PLCB1: variants seen among roughly 807,000 people sequenced by gnomAD.
PLCB1 encodes phospholipase C beta 1.
In PLCB1, 46 loss-of-function variants were observed where a neutral mutation model predicts 161.8. That is an observed-to-expected ratio of 0.28 (90% CI 0.22 to 0.36). The LOEUF is 0.36. PLCB1 is among the 10% of genes least tolerant of loss of function. The pLI is 1.00. For missense variants in PLCB1, 1,016 were observed against 1,472.5 expected (o/e 0.69, Z 5.07); for synonymous variants, 517 against 503.7 (o/e 1.03, Z -0.35).
intron 2 of PLCB1, among the ~76,000 whole-genome samples, chr20:8,195,333 T>TG (rs903234974): frequency 1.3e-5 from 2 of 152,110 alleles, no homozygotes; most frequent in African/African-American, 4.8e-5. Flanking sequence ...TATTTGGATT[T>TG]GGGGCCACTG....
At chr20:8,280,449 A>G (rs548969984) in intron 2 of PLCB1, among the ~76,000 whole-genome samples, 17 of 152,026 alleles carry the variant, frequency 1.1e-4, no homozygotes, top group Non-Finnish European at 1.9e-4. Context: ...ACTATTTTCT[A>G]TTTGGGTTTT....
At chr20:8,462,530 C>A (rs898724716) in intron 3 of PLCB1, among the ~76,000 whole-genome samples, 17 of 152,142 alleles carry the variant, frequency 1.1e-4, no homozygotes, top group African/African-American at 4.1e-4. Context: ...GCATCATAGA[C>A]CTTATTCAAT....
At chr20:8,488,751 A>G (rs916048427) in intron 3 of PLCB1, among the ~76,000 whole-genome samples, 2 of 152,170 alleles carry the variant, frequency 1.3e-5, no homozygotes, top group African/African-American at 4.8e-5. Flanking sequence ...TCATCATAAC[A>G]TCATATCAAA....
intron 10 of PLCB1, 138 bp from the exon 11 acceptor site, chr20:8,697,488 G>A (rs187613452): frequency 5.0e-6 from 4 of 795,770 alleles, no homozygotes; most frequent in South Asian, 1.8e-5. Flanking sequence ...GGTATGTTGA[G>A]GCAGAAGAAA....
chr20:8,760,612 A>G, intron 25 of PLCB1, 152 bp downstream of exon 25: 2 of 531,820 alleles, frequency 3.8e-6, no homozygotes, highest in African/African-American at 3.9e-5. Flanking sequence ...CTTTTAGTTT[A>G]GTCTACATGA....
intron 15 of PLCB1, among the ~76,000 whole-genome samples, chr20:8,724,348 T>G: frequency 6.6e-6 from 1 of 151,820 alleles, no homozygotes; most frequent in Non-Finnish European, 1.5e-5. Context: ...AGGATCTGAG[T>G]CTGAGGCCTG....
rs1981712879 is a variant in PLCB1 at position 8,261,827 on chromosome 20, G to T, written c.178-109555G>T. On this transcript the variant is annotated intron_variant, in intron 2 of 31. Coordinates refer to ENST00000338037, the MANE Select transcript of PLCB1 (RefSeq NM_015192.4). Reference sequence around the variant, plus strand: ...TTCTTAAACCAAGAGGATAAGCATTGTATTTAGTATTGAGATTAATTCTCA... The same window carrying T: ...TTCTTAAACCAAGAGGATAAGCATTTTATTTAGTATTGAGATTAATTCTCA... Among the ~76,000 whole-genome samples the T allele has an allele frequency of 2.0e-5, 3 of 152,166 alleles. No individual in the cohort carries two copies. The South Asian group carries it at 6.2e-4, about 31-fold the overall frequency.
At chr20:8,379,568 A>G (rs1236174671) in intron 3 of PLCB1, among the ~76,000 whole-genome samples, 4 of 152,190 alleles carry the variant, frequency 2.6e-5, no homozygotes, top group Admixed American at 1.3e-4. Context: ...ATTCCCACCA[A>G]CAGTATAAAA....
At chr20:8,628,137 C>T in intron 3 of PLCB1, 157 bp from the exon 4 acceptor site, 1 of 624,732 alleles carries the variant, frequency 1.6e-6, no homozygotes, top group Admixed American at 2.8e-5. Flanking sequence ...TCTCTCTAGG[C>T]CATTTGTGGA....
chr20:8,140,994 C>T (rs2051397120), intron 1 of PLCB1, among the ~76,000 whole-genome samples: 1 of 152,096 alleles, frequency 6.6e-6, no homozygotes, highest in Admixed American at 6.5e-5. Flanking sequence ...GATAGGGTTT[C>T]TCCATGTTGG....
chr20:8,488,623 A>C (rs533911262), intron 3 of PLCB1, among the ~76,000 whole-genome samples: 2 of 152,284 alleles, frequency 1.3e-5, no homozygotes, highest in South Asian at 2.1e-4. Flanking sequence ...ATTTCTCTAA[A>C]CATGTTTAAT....
At chr20:8,153,701 T>C (rs903209132) in intron 2 of PLCB1, among the ~76,000 whole-genome samples, 4 of 152,044 alleles carry the variant, frequency 2.6e-5, no homozygotes, top group African/African-American at 9.7e-5. Context: ...TGTGCCAAGG[T>C]TGGTGTAAAA....
At chr20:8,769,267 AAATT>A (rs995938183) in intron 26 of PLCB1, among the ~76,000 whole-genome samples, 6 of 152,120 alleles carry the variant, frequency 3.9e-5, no homozygotes, top group Non-Finnish European at 1.5e-5. Context: ...TTTAAAATAA[AAATT>A]AACATTTTAT....
At chr20:8,837,658 C>T (rs1986340088) in intron 31 of PLCB1, among the ~76,000 whole-genome samples, 2 of 152,154 alleles carry the variant, frequency 1.3e-5, no homozygotes, top group Non-Finnish European at 2.9e-5. Context: ...GTGGGTTTGT[C>T]ATTCAAGAAT....
chr20:8,140,875 C>T (rs547776593), intron 1 of PLCB1, among the ~76,000 whole-genome samples: 20 of 151,988 alleles, frequency 1.3e-4, no homozygotes, highest in African/African-American at 4.3e-4. Flanking sequence ...CTCGGCTCAC[C>T]GCAACCTCTG....
intron 2 of PLCB1, among the ~76,000 whole-genome samples, chr20:8,278,143 A>G (rs1007827373): frequency 3.3e-5 from 5 of 151,740 alleles, no homozygotes; most frequent in Non-Finnish European, 4.4e-5. Flanking sequence ...ATTAGAGCAT[A>G]TCCCCTTATA....
chr20:8,494,797 G>C (rs542592434), intron 3 of PLCB1, among the ~76,000 whole-genome samples: 1 of 152,074 alleles, frequency 6.6e-6, no homozygotes, highest in South Asian at 2.1e-4. Flanking sequence ...AGTTTACATA[G>C]TAAGGGACTT....
chr20:8,834,329 C>A (rs117575574), intron 31 of PLCB1, among the ~76,000 whole-genome samples: 1 of 151,978 alleles, frequency 6.6e-6, no homozygotes, highest in Admixed American at 6.5e-5. Flanking sequence ...AAGACTTCAC[C>A]GAGAAGGTGA....
chr20:8,469,233 C>CT (rs1981945920), intron 3 of PLCB1, among the ~76,000 whole-genome samples: 1 of 152,002 alleles, frequency 6.6e-6, no homozygotes, highest in South Asian at 2.1e-4. Flanking sequence ...CTGAGAACAC[C>CT]CTCTTTGCTG....
Sources: gnomAD v4.1 joint callset for allele counts (sites outside exome capture counted in the v4.1 genomes callset) on GRCh38, gnomAD v4.1.1 for gene constraint, MANE v1.5 for transcripts, NCBI Gene and HGNC (gene_info 2026-07-23, HGNC 2026-07-21) for gene names.